Variants in ESR1 observed in about 807,000 individuals in gnomAD.
ESR1 encodes estrogen receptor.
ESR1 carries 12 observed loss-of-function variants against 52.7 expected under a neutral mutation model. The observed-to-expected ratio is 0.23, with a 90% confidence interval of 0.15 to 0.37. ESR1 has a LOEUF of 0.37. ESR1 is among the 10% of genes least tolerant of loss of function. The pLI is 1.00. For synonymous variants in ESR1, 305 were observed against 316.8 expected (o/e 0.96, Z 0.39); for missense variants, 584 against 779.7 (o/e 0.75, Z 2.99).
intron 5 of ESR1, among the ~76,000 whole-genome samples, chr6:152,050,892 C>G (rs955356917): frequency 2.6e-5 from 4 of 152,204 alleles, no homozygotes; most frequent in African/African-American, 4.8e-5. Context: ...TCAATTGTCA[C>G]TCAGCTGTTT....
chr6:151,994,743 A>G (rs1326338693), intron 4 of ESR1, among the ~76,000 whole-genome samples: 2 of 152,170 alleles, frequency 1.3e-5, no homozygotes, highest in Non-Finnish European at 2.9e-5. Context: ...CTAGCAAACT[A>G]CCAGCATGCC....
intron 2 of ESR1, among the ~76,000 whole-genome samples, chr6:151,846,208 G>A (rs888988881): frequency 3.3e-5 from 5 of 152,144 alleles, no homozygotes; most frequent in Non-Finnish European, 7.4e-5. Flanking sequence ...AATTCTATGC[G>A]TAATATTTAA....
At chr6:151,947,390 A>T (rs937582981) in intron 4 of ESR1, among the ~76,000 whole-genome samples, 8 of 152,198 alleles carry the variant, frequency 5.3e-5, no homozygotes, top group African/African-American at 1.7e-4. Flanking sequence ...TTCTAGAAAT[A>T]CCCAGAATTA....
At position 152,100,509 on chromosome 6, in the gene ESR1, C is replaced by T. The variant is rs1165847366; in HGVS notation, c.*1543C>T. 2 of 236,584 alleles carry T rather than the reference C, an allele frequency of 8.5e-6. No homozygotes were observed. The highest frequency in any genetic ancestry group is 1.2e-4 in the East Asian group (2 of 16,532). The allele number at this position is 236,584 out of a possible 1,614,324, so 14.7% of individuals were successfully genotyped here. A position where few individuals can be genotyped will look rare whatever the true frequency, so the allele number is the denominator to read the frequency against. ...AAAAAAGAAAGGCTCATTCCAGCCACAGGGCAGCCTTCCCTGGGCCTTTGC... is the reference window on the plus strand; with the variant it reads ...AAAAAAGAAAGGCTCATTCCAGCCATAGGGCAGCCTTCCCTGGGCCTTTGC... On this transcript the variant is annotated 3_prime_UTR_variant, in exon 8 of 8. Transcript: ENST00000206249.
At chr6:151,777,319 A>G (rs2128116681) in intron 2 of ESR1, among the ~76,000 whole-genome samples, 1 of 151,936 alleles carries the variant, frequency 6.6e-6, no homozygotes, top group East Asian at 2.0e-4. Flanking sequence ...CGGTTTTACC[A>G]TGTTGCCCAG....
intron 4 of ESR1, among the ~76,000 whole-genome samples, chr6:151,958,973 CGT>C (rs58501088): frequency 2.4e-4 from 36 of 148,602 alleles, no homozygotes; most frequent in Non-Finnish European, 3.6e-4. Flanking sequence ...AAAAAGTTTC[CGT>C]GTGTGTGTGT....
At chr6:151,782,821 G>A (rs1031652321) in intron 2 of ESR1, among the ~76,000 whole-genome samples, 1 of 152,090 alleles carries the variant, frequency 6.6e-6, no homozygotes, top group African/African-American at 2.4e-5. Context: ...CAACTGAAAC[G>A]TTAAATACAC....
intron 2 of ESR1, among the ~76,000 whole-genome samples, chr6:151,748,656 A>G (rs2982575): frequency 0.44 from 67,493 of 152,000 alleles, 16,622 homozygotes; most frequent in Non-Finnish European, 0.55. Flanking sequence ...TTAGCCCACA[A>G]TCTTTCCAGC....
chr6:151,993,802 G>T (rs562325152), intron 4 of ESR1, among the ~76,000 whole-genome samples: 1 of 152,148 alleles, frequency 6.6e-6, no homozygotes. Flanking sequence ...AGGCCACACG[G>T]CTTCTTAGTG....
chr6:151,793,767 G>A (rs183574910), intron 2 of ESR1, among the ~76,000 whole-genome samples: 1 of 152,316 alleles, frequency 6.6e-6, no homozygotes, highest in Admixed American at 6.5e-5. Flanking sequence ...CCCAGGCAGT[G>A]TGCTAGGGGC....
intron 2 of ESR1, among the ~76,000 whole-genome samples, chr6:151,848,478 TA>T (rs5880945): frequency 0.27 from 36,114 of 135,292 alleles, 4,891 homozygotes; most frequent in Middle Eastern, 0.37. Flanking sequence ...TAGAGTATAA[TA>T]AAAAAAAAAA....
At chr6:151,822,201 G>A (rs1235092807) in intron 1 of ESR1, among the ~76,000 whole-genome samples, 1 of 152,072 alleles carries the variant, frequency 6.6e-6, no homozygotes, top group Non-Finnish European at 1.5e-5. Context: ...AGATAATGTA[G>A]GGATTAATAT....
chr6:152,117,612 C>T (rs184904131), intron 6 of ESR1, among the ~76,000 whole-genome samples: 22 of 152,312 alleles, frequency 1.4e-4, no homozygotes, highest in Admixed American at 8.5e-4. Flanking sequence ...CCTCAGCTCC[C>T]TAGATTAAAT....
intron 6 of ESR1, among the ~76,000 whole-genome samples, chr6:152,067,722 G>A (rs1310447760): frequency 6.6e-6 from 1 of 152,140 alleles, no homozygotes. Context: ...AGCTACTCAG[G>A]AGGCTAATGC....
intron 6 of ESR1, among the ~76,000 whole-genome samples, chr6:152,090,469 C>T (rs62429679): frequency 1.3e-5 from 2 of 152,238 alleles, no homozygotes; most frequent in Non-Finnish European, 2.9e-5. Context: ...AAGCCATAGG[C>T]ATCAGCATCT....
chr6:151,747,585 G>T (rs938259024), intron 2 of ESR1, among the ~76,000 whole-genome samples: 4 of 151,938 alleles, frequency 2.6e-5, no homozygotes, highest in African/African-American at 4.8e-5. Context: ...AATATATTTT[G>T]CATAAAAATA....
chr6:151,851,431 A>C (rs1786685745), intron 2 of ESR1, among the ~76,000 whole-genome samples: 1 of 152,202 alleles, frequency 6.6e-6, no homozygotes, highest in African/African-American at 2.4e-5. Context: ...GTCACTCAAT[A>C]AATAAATAAA....
chr6:151,800,908 C>T (rs776031525), upstream of ESR1, among the ~76,000 whole-genome samples: 2 of 151,846 alleles, frequency 1.3e-5, no homozygotes, highest in African/African-American at 4.8e-5. Context: ...GGGAAGGTGC[C>T]GTGGTCACAA....
chr6:151,832,880 A>G (rs1427925008), intron 1 of ESR1, among the ~76,000 whole-genome samples: 3 of 152,152 alleles, frequency 2.0e-5, no homozygotes, highest in African/African-American at 4.8e-5. Context: ...AATGGCTGCT[A>G]TTGTTAGTAT....
Sources: gnomAD v4.1 joint callset for allele counts (sites outside exome capture counted in the v4.1 genomes callset) on GRCh38, gnomAD v4.1.1 for gene constraint, MANE v1.5 for transcripts, NCBI Gene and HGNC (gene_info 2026-07-23, HGNC 2026-07-21) for gene names.